The following THADA variants were observed in gnomAD, a reference collection of about 807,000 sequenced individuals.
THADA encodes the protein tRNA (32-2'-O)-methyltransferase regulator THADA.
THADA carries 213 observed loss-of-function variants against 219.8 expected under a neutral mutation model. The ratio of observed to expected loss-of-function variants is 0.97; its 90% CI spans 0.87 to 1.09. THADA has a LOEUF of 1.09. THADA is among the 50% of genes least tolerant of loss of function. THADA has a pLI of 0.00. For missense variants in THADA, 2,956 were observed against 2,311.3 expected, an observed-to-expected ratio of 1.28 and a Z score of -5.72; for synonymous variants, 1,018 against 828.9, an observed-to-expected ratio of 1.23 and a Z score of -3.92.
chr2:43,338,299 G>C (rs1264823515), intron 30 of THADA, among the ~76,000 whole-genome samples: 1 of 151,866 alleles, frequency 6.6e-6, no homozygotes, highest in African/African-American at 2.4e-5. Flanking sequence ...TGGGACTACA[G>C]GTGTGCGCAA....
At chr2:43,492,506 T>C (rs1479177270) in intron 25 of THADA, among the ~76,000 whole-genome samples, 1 of 152,182 alleles carries the variant, frequency 6.6e-6, no homozygotes, top group Non-Finnish European at 1.5e-5. Context: ...GTGCAATTGC[T>C]ATGTAATATG....
chr2:43,260,514 G>A (rs1670816823), intron 36 of THADA, among the ~76,000 whole-genome samples: 1 of 152,138 alleles, frequency 6.6e-6, no homozygotes, highest in Non-Finnish European at 1.5e-5. Flanking sequence ...GCTGAGGTGG[G>A]AGGATCACTT....
intron 21 of THADA, among the ~76,000 whole-genome samples, chr2:43,531,338 T>C (rs920607903): frequency 6.6e-6 from 1 of 152,204 alleles, no homozygotes; most frequent in African/African-American, 2.4e-5. Context: ...CAACACTAAA[T>C]AAGTGCGTGC....
At position 43,556,361 on chromosome 2, in the gene THADA, T is replaced by C. The variant is rs139798101; in HGVS notation, c.2658A>G (p.Glu886=). The change falls in exon 17 of 38, where the codon GAA becomes GAG. Residue 886 remains glutamate (E), a synonymous_variant. Coordinates refer to ENST00000405975, the MANE Select transcript of THADA (RefSeq NM_022065.5). The part of the protein sequence containing the change: ...DNGDRPAAVV[E]RNTLMVIKCL... Reference sequence around the variant, plus strand: ...AATACAAACCCATTAATGTGTTCCTTTCCACCACAGCAGCAGGCCTATCTC... The same window carrying C: ...AATACAAACCCATTAATGTGTTCCTCTCCACCACAGCAGCAGGCCTATCTC... 3.2e-4 allele frequency: 513 copies of C among 1,613,840 alleles called. 1 individual carries two copies. In the African/African-American group the frequency reaches 6.4e-3, roughly 20 times the overall value.
chr2:43,330,918 A>G (rs540610092), intron 30 of THADA, among the ~76,000 whole-genome samples: 2 of 152,326 alleles, frequency 1.3e-5, no homozygotes, highest in East Asian at 1.9e-4. Flanking sequence ...TGAGACAGCC[A>G]TATCTTTCAA....
chr2:43,318,804 G>A (rs893451792), intron 31 of THADA, among the ~76,000 whole-genome samples: 1 of 152,196 alleles, frequency 6.6e-6, no homozygotes, highest in Non-Finnish European at 1.5e-5. Context: ...ACAGCTTGGA[G>A]AAATGGATGG....
intron 26 of THADA, among the ~76,000 whole-genome samples, chr2:43,438,845 G>C (rs1443983563): frequency 6.6e-6 from 1 of 152,066 alleles, no homozygotes; most frequent in Non-Finnish European, 1.5e-5. Flanking sequence ...GGCAAAGTAA[G>C]AGATTAACAA....
intron 26 of THADA, among the ~76,000 whole-genome samples, chr2:43,481,795 T>G (rs1686262689): frequency 6.6e-6 from 1 of 152,126 alleles, no homozygotes; most frequent in Non-Finnish European, 1.5e-5. Flanking sequence ...AGGTGGAGAG[T>G]GTGCAAAAGC....
intron 28 of THADA, among the ~76,000 whole-genome samples, chr2:43,417,873 G>A (rs1677194978): frequency 6.6e-6 from 1 of 152,112 alleles, no homozygotes; most frequent in African/African-American, 2.4e-5. Context: ...CCCCCTCTGT[G>A]GAATGGGATA....
chr2:43,503,097 A>G (rs1313033615), intron 24 of THADA, among the ~76,000 whole-genome samples: 1 of 152,226 alleles, frequency 6.6e-6, no homozygotes, highest in Non-Finnish European at 1.5e-5. Context: ...TAAGCAATGG[A>G]AACTCTTATA....
At chr2:43,348,452 A>G (rs114943924) in intron 29 of THADA, among the ~76,000 whole-genome samples, 1 of 152,178 alleles carries the variant, frequency 6.6e-6, no homozygotes, top group East Asian at 1.9e-4. Context: ...CCAAATCTCT[A>G]CTAAAAGTTT....
chr2:43,582,444 C>T (rs1700558459), intron 7 of THADA, among the ~76,000 whole-genome samples: 1 of 148,644 alleles, frequency 6.7e-6, no homozygotes, highest in African/African-American at 2.5e-5. Flanking sequence ...CTGCAGTGAG[C>T]CGAGATGGCA....
At chr2:43,549,413 C>T in intron 19 of THADA, 45 bp from the exon 20 acceptor site, 1 of 1,543,470 alleles carries the variant, frequency 6.5e-7, no homozygotes, top group Non-Finnish European at 8.7e-7. Context: ...TAACACATCA[C>T]ATGCCAGATT....
At chr2:43,561,662 G>C (rs79845707) in intron 15 of THADA, among the ~76,000 whole-genome samples, 11,726 of 152,190 alleles carry the variant, frequency 0.077, 605 homozygotes, top group Non-Finnish European at 0.12. Flanking sequence ...TCCTAGAGCC[G>C]ACACCTGAGG....
Position 43,541,373 on chromosome 2 carries a change from T to C in THADA, c.3107-57A>G. ...CTTGATTACTCATATCCCAGGTTTC[T>C]AAAAACAAGCTTATTCATAATTTCC... On this transcript the variant is annotated intron_variant, in intron 20 of 37. Transcript: ENST00000405975. 2.5e-6 allele frequency: 4 copies of C among 1,587,238 alleles called. No individual in the cohort carries two copies. In the East Asian group the frequency reaches 9.0e-5, roughly 36 times the overall value.
chr2:43,547,112 A>G (rs1470582897), intron 20 of THADA, among the ~76,000 whole-genome samples: 2 of 151,874 alleles, frequency 1.3e-5, no homozygotes, highest in Non-Finnish European at 2.9e-5. Context: ...AAAGTATTTT[A>G]TTTCTCCTTC....
intron 16 of THADA, among the ~76,000 whole-genome samples, chr2:43,559,838 G>A (rs1428891359): frequency 6.6e-6 from 1 of 152,174 alleles, no homozygotes; most frequent in South Asian, 2.1e-4. Flanking sequence ...TTTCTCAAGT[G>A]TATGAAAAAG....
chr2:43,280,019 T>C (rs535357623), intron 35 of THADA, 123 bp from the exon 36 acceptor site: 87 of 991,410 alleles, frequency 8.8e-5, no homozygotes, highest in Non-Finnish European at 1.1e-4. Context: ...TCTTTTTTTC[T>C]GGGTATTGTT....
intron 36 of THADA, among the ~76,000 whole-genome samples, chr2:43,239,026 G>T (rs576221811): frequency 1.3e-5 from 2 of 152,184 alleles, no homozygotes; most frequent in African/African-American, 2.4e-5. Flanking sequence ...TCAAATGGGT[G>T]GGGTTAGCTG....
Sources: allele counts gnomAD v4.1 joint callset (sites outside exome capture counted in the v4.1 genomes callset), GRCh38; gene constraint gnomAD v4.1.1; transcripts MANE v1.5; gene names NCBI Gene and HGNC (gene_info 2026-07-23, HGNC 2026-07-21).